Variants in ZNF236 observed in about 807,000 individuals in gnomAD.
ZNF236 encodes regulated by glucose.
A neutral mutation model predicts 191.2 loss-of-function variants in ZNF236; 50 were observed. The ratio of observed to expected loss-of-function variants is 0.26; its 90% CI spans 0.21 to 0.33. The LOEUF is 0.33. ZNF236 is among the 10% of genes least tolerant of loss of function. The pLI, the probability that ZNF236 is intolerant of heterozygous loss-of-function variation, is 1.00. For missense variants in ZNF236, 1,754 were observed against 2,374.5 expected (o/e 0.74, Z 5.43); for synonymous variants, 907 against 928.8 (o/e 0.98, Z 0.43).
intron 1 of ZNF236, chr18:76,849,291 C>T (rs1378966682): frequency 7.5e-6 from 3 of 401,242 alleles, no homozygotes; most frequent in Non-Finnish European, 1.3e-5. Flanking sequence ...TCTGAAAAGC[C>T]CACCAATATG....
chr18:76,959,908 G>A, intron 29 of ZNF236, 92 bp downstream of exon 29: 1 of 1,396,942 alleles, frequency 7.2e-7, no homozygotes, highest in Non-Finnish European at 9.7e-7. Context: ...ATATTCACGA[G>A]CGATGGAATG....
chr18:76,956,642 G>C (rs1599425921), intron 28 of ZNF236, among the ~76,000 whole-genome samples: 1 of 152,336 alleles, frequency 6.6e-6, no homozygotes, highest in Admixed American at 6.5e-5. Flanking sequence ...CCAAGGTTTA[G>C]CTGCCCACGC....
Position 76,851,847 on chromosome 18 carries a change from A to T in ZNF236, c.271A>T (p.Ser91Cys), listed in dbSNP as rs772187208. Residue 91 changes from serine to cysteine, a missense_variant, in exon 3 of 31, where the codon AGC becomes TGC. By Grantham distance (112) the Ser-to-Cys change is moderately radical. Coordinates refer to ENST00000320610, the MANE Select transcript of ZNF236 (RefSeq NM_001306089.2). ...CCTGACACTTCATAAATGCACCCAC[A>T]GCGGGGAAGATCCTACCTGCCCTGT... ...FNLTLHKCTHSGEDPTCPVCN... is the reference protein window; with the variant it reads ...FNLTLHKCTHCGEDPTCPVCN... The T allele has an allele frequency of 6.2e-7, 1 of 1,614,114 alleles. No individual in the cohort carries two copies. The highest frequency in any genetic ancestry group is 8.5e-7 in the Non-Finnish European group (1 of 1,180,002).
At position 76,972,454 on chromosome 18, in the gene ZNF236, C is replaced by CT. The variant is rs1389898641; in HGVS notation, c.*4116dup. On this transcript the variant is annotated 3_prime_UTR_variant, in exon 31 of 31. Coordinates refer to ENST00000320610, the MANE Select transcript of ZNF236 (RefSeq NM_001306089.2). ...TCACACACTCACCCACACACTCACC[C>CT]TCACACTCACCCACACACCCTCACA... Among the ~76,000 whole-genome samples, 1 of 151,812 alleles carries CT rather than the reference C, an allele frequency of 6.6e-6. No homozygotes were observed. The highest frequency in any genetic ancestry group is 1.9e-4 in the East Asian group (1 of 5,176).
intron 9 of ZNF236, among the ~76,000 whole-genome samples, chr18:76,892,644 C>T (rs529297365): frequency 4.6e-5 from 7 of 152,174 alleles, no homozygotes; most frequent in African/African-American, 1.7e-4. Flanking sequence ...CTTGGCTCAC[C>T]ATAACCTCTG....
At chr18:76,908,633 A>C in intron 14 of ZNF236, 60 bp downstream of exon 14, 3 of 1,548,768 alleles carry the variant, frequency 1.9e-6, no homozygotes, top group Non-Finnish European at 2.6e-6. Context: ...AGCCTTTCCC[A>C]CTCATTGCAG....
intron 9 of ZNF236, among the ~76,000 whole-genome samples, chr18:76,883,659 C>T (rs1194583387): frequency 6.6e-6 from 1 of 152,106 alleles, no homozygotes; most frequent in Non-Finnish European, 1.5e-5. Flanking sequence ...AATTCCTGGC[C>T]TCAAGTGATC....
intron 11 of ZNF236, among the ~76,000 whole-genome samples, chr18:76,901,316 A>T (rs937028821): frequency 6.6e-6 from 1 of 152,220 alleles, no homozygotes; most frequent in Non-Finnish European, 1.5e-5. Context: ...GTTTGCAAAT[A>T]CTCTACAACT....
At chr18:76,902,778 A>C (rs977912854) in intron 11 of ZNF236, among the ~76,000 whole-genome samples, 10 of 146,904 alleles carry the variant, frequency 6.8e-5, no homozygotes, top group African/African-American at 2.4e-4. Flanking sequence ...TTAAGTAGAG[A>C]CGGGGTTTCT....
At chr18:76,891,589 G>A (rs1373209345) in intron 9 of ZNF236, among the ~76,000 whole-genome samples, 1 of 152,062 alleles carries the variant, frequency 6.6e-6, no homozygotes, top group Non-Finnish European at 1.5e-5. Context: ...TGTTGCCCAG[G>A]GTGGTCTTGA....
intron 7 of ZNF236, among the ~76,000 whole-genome samples, chr18:76,878,980 A>G (rs1976793942): frequency 6.6e-6 from 1 of 152,132 alleles, no homozygotes; most frequent in Non-Finnish European, 1.5e-5. Context: ...GTTCCTCAAT[A>G]TATTCTTGAC....
chr18:76,856,931 C>T (rs1976056021), intron 3 of ZNF236, among the ~76,000 whole-genome samples: 1 of 152,212 alleles, frequency 6.6e-6, no homozygotes, highest in Non-Finnish European at 1.5e-5. Context: ...CTGGAACATC[C>T]CACACTGATC....
At chr18:76,838,091 A>G (rs1327242661) in intron 1 of ZNF236, among the ~76,000 whole-genome samples, 1 of 152,234 alleles carries the variant, frequency 6.6e-6, no homozygotes, top group Non-Finnish European at 1.5e-5. Context: ...CTAGGCTCAA[A>G]TACTCATCAT....
chr18:76,934,897 C>T (rs556836842), intron 25 of ZNF236, among the ~76,000 whole-genome samples: 1 of 152,274 alleles, frequency 6.6e-6, no homozygotes, highest in South Asian at 2.1e-4. Context: ...GAGGTGATAT[C>T]CCAAGAGATT....
rs1370704905 is a variant in ZNF236, at chr18:76,927,573, G to A, written c.4414+56G>A. On this transcript the variant is annotated intron_variant, in intron 24 of 30. Coordinates refer to ENST00000320610, the MANE Select transcript of ZNF236 (RefSeq NM_001306089.2). This position sits in a 1 kb window ranked among gnomAD's most constrained non-coding sequence, Gnocchi z 5.4. ...CAGCTGGAGTTTCAGTTTCTTGCTTGTGATTACATATTTGAATTTAGGATG... is the reference window on the plus strand; with the variant it reads ...CAGCTGGAGTTTCAGTTTCTTGCTTATGATTACATATTTGAATTTAGGATG... 1.3e-6 allele frequency: 2 copies of A among 1,567,574 alleles called. No homozygotes were observed. The highest frequency in any genetic ancestry group is 8.6e-7 in the Non-Finnish European group (1 of 1,158,222).
intron 30 of ZNF236, among the ~76,000 whole-genome samples, chr18:76,966,505 G>A (rs1470494845): frequency 6.6e-6 from 1 of 152,164 alleles, no homozygotes; most frequent in African/African-American, 2.4e-5. Context: ...TTCTGTAGGG[G>A]CCTTCAGCAC....
intron 27 of ZNF236, among the ~76,000 whole-genome samples, chr18:76,948,245 C>G (rs470905): frequency 1.3e-5 from 2 of 151,936 alleles, no homozygotes; most frequent in Non-Finnish European, 1.5e-5. Context: ...GATGAATAAT[C>G]TCTGAATTTA....
At position 76,870,349 on chromosome 18, in the gene ZNF236, A is replaced by G. The variant is rs1317350714; in HGVS notation, c.543-1352A>G. 5.9e-5 allele frequency among the ~76,000 whole-genome samples: 9 copies of G among 152,180 alleles called. No individual in the cohort carries two copies. In the South Asian group the frequency reaches 1.0e-3, roughly 18 times the overall value. On this transcript the variant is annotated intron_variant, in intron 4 of 30. Transcript: ENST00000320610. ...CCCCCAAATATAATACATGGTCTCT[A>G]TACACTCCAGATTTTTATTCTCATG...
At chr18:76,957,439 G>A (rs1968550274) in intron 28 of ZNF236, among the ~76,000 whole-genome samples, 1 of 152,338 alleles carries the variant, frequency 6.6e-6, no homozygotes, top group South Asian at 2.1e-4. Flanking sequence ...AGGGGCTGGT[G>A]AGCCCCGAGA....
Sources: gnomAD v4.1 joint callset for allele counts (sites outside exome capture counted in the v4.1 genomes callset) on GRCh38, gnomAD v4.1.1 for gene constraint, Gnocchi (gnomAD v3.1) non-coding constraint, MANE v1.5 for transcripts, NCBI Gene and HGNC (gene_info 2026-07-23, HGNC 2026-07-21) for gene names.